Variants in KCNMB2 observed in about 807,000 individuals in gnomAD.
KCNMB2 encodes calcium-activated potassium channel subunit beta-2.
Under a neutral mutation model 24.5 loss-of-function variants are expected in KCNMB2, and 9 were observed. The observed-to-expected ratio is 0.37, with a 90% CI of 0.22 to 0.64. The LOEUF (loss-of-function observed/expected upper bound fraction) is 0.64. Among genes scored for constraint, KCNMB2 ranks in the 30% least tolerant of loss-of-function variants. The pLI, the probability that KCNMB2 is intolerant of heterozygous loss-of-function variation, is 0.63. For missense variants in KCNMB2, 226 were observed against 284.3 expected, an observed-to-expected ratio of 0.79 and a Z score of 1.47; for synonymous variants, 109 against 104.4, an observed-to-expected ratio of 1.04 and a Z score of -0.27.
chr3:178,595,657 A>T (rs1326965044), intron 1 of KCNMB2, among the ~76,000 whole-genome samples: 1 of 151,958 alleles, frequency 6.6e-6, no homozygotes, highest in Non-Finnish European at 1.5e-5. Flanking sequence ...GTGAAAAAGG[A>T]TGTGTTTGCT....
intron 1 of KCNMB2, among the ~76,000 whole-genome samples, chr3:178,774,013 C>T (rs573011699): frequency 6.6e-6 from 1 of 152,272 alleles, no homozygotes; most frequent in South Asian, 2.1e-4. Context: ...GCATTGGTGT[C>T]TGGTGAGAGA....
intron 1 of KCNMB2, among the ~76,000 whole-genome samples, chr3:178,703,814 A>G (rs1188364339): frequency 6.6e-6 from 1 of 152,182 alleles, no homozygotes; most frequent in Non-Finnish European, 1.5e-5. Flanking sequence ...ATCTCTTTCT[A>G]AACAGTGAGT....
At chr3:178,710,993 T>A (rs1481669304) in intron 1 of KCNMB2, among the ~76,000 whole-genome samples, 4 of 152,142 alleles carry the variant, frequency 2.6e-5, no homozygotes, top group Non-Finnish European at 5.9e-5. Flanking sequence ...CTCAAGGAGA[T>A]TGCTATCAAG....
intron 1 of KCNMB2, among the ~76,000 whole-genome samples, chr3:178,794,777 G>A (rs1713468824): frequency 6.6e-6 from 1 of 152,186 alleles, no homozygotes; most frequent in Non-Finnish European, 1.5e-5. Context: ...TCACAGGTGG[G>A]GAGGGTCTTA....
intron 1 of KCNMB2, among the ~76,000 whole-genome samples, chr3:178,574,397 G>T (rs1027038602): frequency 2.6e-5 from 4 of 152,172 alleles, no homozygotes; most frequent in African/African-American, 9.6e-5. Flanking sequence ...TTATCTCTTT[G>T]CCTTTTAAGT....
chr3:178,671,324 C>T (rs1720890940), intron 1 of KCNMB2, among the ~76,000 whole-genome samples: 2 of 152,116 alleles, frequency 1.3e-5, no homozygotes, highest in African/African-American at 2.4e-5. Flanking sequence ...TTTTCAGTTG[C>T]TTTGAGGTTG....
chr3:178,693,623 G>A (rs1405166502), intron 1 of KCNMB2, among the ~76,000 whole-genome samples: 2 of 152,140 alleles, frequency 1.3e-5, no homozygotes, highest in Non-Finnish European at 2.9e-5. Flanking sequence ...TGAACAAGTT[G>A]TTGATATGCT....
At chr3:178,740,715 T>C (rs972755458) in intron 1 of KCNMB2, among the ~76,000 whole-genome samples, 2 of 152,222 alleles carry the variant, frequency 1.3e-5, no homozygotes, top group Non-Finnish European at 2.9e-5. Context: ...TGTACCACTT[T>C]CTGCTTCGGT....
At position 178,556,835 on chromosome 3, in the gene KCNMB2, C is replaced by G. The variant is rs547415344; in HGVS notation, c.-68+20124C>G. 1.1e-4 allele frequency among the ~76,000 whole-genome samples: 16 copies of G among 152,184 alleles called. 1 individual carries two copies. The highest frequency in any genetic ancestry group is 3.6e-4 in the African/African-American group (15 of 41,538). On this transcript the variant is annotated intron_variant, in intron 1 of 4. Coordinates refer to ENST00000452583, the MANE Select transcript of KCNMB2 (RefSeq NM_181361.3). ...TGGGAATGTCAGGCCCTAAAGAGAG[C>G]CTGAGTAGCATGAAGCATAAGGGAC...
At chr3:178,699,762 G>A (rs188718792) in intron 1 of KCNMB2, among the ~76,000 whole-genome samples, 13 of 152,314 alleles carry the variant, frequency 8.5e-5, no homozygotes, top group South Asian at 2.1e-4. Flanking sequence ...GTCCCTGACC[G>A]TGCTCCACTA....
Position 178,807,368 on chromosome 3 carries a change from T to C in KCNMB2, c.-42T>C. On this transcript the variant is annotated 5_prime_UTR_variant, in exon 2 of 5. Transcript: ENST00000452583. Reference sequence around the variant, plus strand: ...GTCTTTTTGCCATTCCTCCAGGACATCCACCATAAGGAAAGGAGACCCTGG... The same window carrying C: ...GTCTTTTTGCCATTCCTCCAGGACACCCACCATAAGGAAAGGAGACCCTGG... 1.9e-6 allele frequency: 3 copies of C among 1,573,906 alleles called. No individual in the cohort carries two copies. Among genetic ancestry groups the C allele is most frequent in the Non-Finnish European group, 2.6e-6 (3 of 1,145,124 alleles).
At chr3:178,724,718 A>G (rs1177450109) in intron 1 of KCNMB2, among the ~76,000 whole-genome samples, 2 of 152,160 alleles carry the variant, frequency 1.3e-5, no homozygotes, top group Non-Finnish European at 2.9e-5. Flanking sequence ...TCTCTTCTGC[A>G]TATGGTTAGC....
intron 2 of KCNMB2, among the ~76,000 whole-genome samples, chr3:178,814,121 T>C (rs557548353): frequency 2.0e-5 from 3 of 152,118 alleles, no homozygotes; most frequent in Non-Finnish European, 4.4e-5. Context: ...TAGTACCCAA[T>C]AGGTAGTTTT....
intron 1 of KCNMB2, among the ~76,000 whole-genome samples, chr3:178,718,117 T>A (rs1722679375): frequency 6.6e-6 from 1 of 152,264 alleles, no homozygotes; most frequent in South Asian, 2.1e-4. Context: ...TGTCCTTCTA[T>A]CAGCAGGCTC....
chr3:178,671,326 T>C (rs1409044974), intron 1 of KCNMB2, among the ~76,000 whole-genome samples: 4 of 152,174 alleles, frequency 2.6e-5, no homozygotes, highest in African/African-American at 9.7e-5. Flanking sequence ...TTCAGTTGCT[T>C]TGAGGTTGAC....
intron 1 of KCNMB2, among the ~76,000 whole-genome samples, chr3:178,705,248 T>C (rs1004319605): frequency 2.0e-5 from 3 of 152,058 alleles, no homozygotes; most frequent in East Asian, 1.9e-4. Flanking sequence ...CTGAACAGTA[T>C]TGATGGAGGG....
At chr3:178,590,352 C>T (rs1374359681) in intron 1 of KCNMB2, among the ~76,000 whole-genome samples, 3 of 152,098 alleles carry the variant, frequency 2.0e-5, no homozygotes, top group African/African-American at 7.2e-5. Context: ...AATTGAACCT[C>T]ATCTTAGTTG....
intron 1 of KCNMB2, among the ~76,000 whole-genome samples, chr3:178,753,060 T>G (rs1298330266): frequency 6.6e-6 from 1 of 152,188 alleles, no homozygotes; most frequent in Non-Finnish European, 1.5e-5. Flanking sequence ...TTTGCTCAAC[T>G]CTCTGATCAG....
intron 1 of KCNMB2, among the ~76,000 whole-genome samples, chr3:178,683,486 A>G (rs1721347007): frequency 6.6e-6 from 1 of 152,198 alleles, no homozygotes; most frequent in African/African-American, 2.4e-5. Context: ...ATAAAAGTTG[A>G]ATAAATACAT....
Sources: gnomAD v4.1 joint callset for allele counts (sites outside exome capture counted in the v4.1 genomes callset) on GRCh38, gnomAD v4.1.1 for gene constraint, MANE v1.5 for transcripts, NCBI Gene and HGNC (gene_info 2026-07-23, HGNC 2026-07-21) for gene names.